Variants in EEF2K observed in about 807,000 individuals in gnomAD.
EEF2K encodes the protein eukaryotic elongation factor 2 kinase.
Under a neutral mutation model 93.8 loss-of-function variants are expected in EEF2K, and 70 were observed. That is an observed-to-expected ratio of 0.75 (90% CI 0.62 to 0.91). The LOEUF (loss-of-function observed/expected upper bound fraction) is 0.91. Ranked by LOEUF, EEF2K falls within the 40% of genes least tolerant of loss-of-function variation. The pLI is 0.00. For synonymous variants in EEF2K, 376 were observed against 380.8 expected, an observed-to-expected ratio of 0.99 and a Z score of 0.15; for missense variants, 935 against 972.9, an observed-to-expected ratio of 0.96 and a Z score of 0.52.
intron 16 of EEF2K, among the ~76,000 whole-genome samples, chr16:22,274,686 C>G (rs777100901): frequency 3.3e-5 from 5 of 152,106 alleles, no homozygotes; most frequent in Non-Finnish European, 2.9e-5. Context: ...TAGCTCACTG[C>G]AGCCTCTACC....
In EEF2K at chr16:22,264,680, T is replaced by C. The variant is rs1261810797; in HGVS notation, c.1378-138T>C. The C allele has an allele frequency of 6.6e-5, 52 of 793,250 alleles. No homozygotes were observed. In the East Asian group the frequency reaches 1.4e-3, roughly 22 times the overall value. 49.1% of individuals were successfully genotyped at this position (793,250 alleles called of 1,614,324 possible). ...AGGGTTCCAGTGTCACCTGGGAACA[T>C]AGGGCCAATTTTCTGAGATAAGGGT... is the stretch of plus-strand genomic sequence containing the variant. On this transcript the variant is annotated intron_variant, in intron 12 of 17. Coordinates refer to ENST00000263026, the MANE Select transcript of EEF2K (RefSeq NM_013302.5).
rs553013823 is a variant in EEF2K, at chr16:22,226,517, C to CTTTTTTTTTTTTTTTTTTTTTTTTTTTT, written c.246+557_246+558insTTTTTTTTTTTTTTTTTTTTTTTTTTTT. On this transcript the variant is annotated intron_variant, in intron 2 of 17. Transcript: ENST00000263026. ...CTTTTTCTTTCTTTTCCTTCTTCTTCTTTTTTTTTTTTTTTATAAACGTGG... is the reference window on the plus strand; with the variant it reads ...CTTTTTCTTTCTTTTCCTTCTTCTTCTTTTTTTTTTTTTTTTTTTTTTTTTTTTTTTTTTTTTTTTTTTATAAACGTGG... Among the ~76,000 whole-genome samples, 23 of 106,866 alleles carry CTTTTTTTTTTTTTTTTTTTTTTTTTTTT rather than the reference C, an allele frequency of 2.2e-4. 1 individual carries two copies. Among genetic ancestry groups the CTTTTTTTTTTTTTTTTTTTTTTTTTTTT allele is most frequent in the African/African-American group, 9.7e-4 (23 of 23,640 alleles). 70.1% of individuals were successfully genotyped at this position (106,866 alleles called of 152,430 possible). A position where few individuals can be genotyped will look rare whatever the true frequency, so the allele number is the denominator to read the frequency against.
At chr16:22,250,723 GC>G in intron 5 of EEF2K, 32 bp downstream of exon 5, 1 of 1,613,952 alleles carries the variant, frequency 6.2e-7, no homozygotes, top group East Asian at 2.2e-5. Context: ...TTGGGGCCCT[GC>G]CCAGAGTCCC....
chr16:22,251,882 C>T lies in EEF2K; in HGVS notation c.618+560C>T, dbSNP rs569059927. Among the ~76,000 whole-genome samples the T allele has an allele frequency of 1.6e-4, 24 of 152,296 alleles. No homozygotes were observed. In the East Asian group the frequency reaches 4.6e-3, roughly 29 times the overall value. On this transcript the variant is annotated intron_variant, in intron 6 of 17. Transcript: ENST00000263026. ...AATTACAGCTCACTGCAGCCTCAAC[C>T]TCCTGGGCTTGAACAATCCTCCCAG...
chr16:22,218,614 T>C (rs1372952638), intron 1 of EEF2K, among the ~76,000 whole-genome samples: 1 of 152,190 alleles, frequency 6.6e-6, no homozygotes, highest in African/African-American at 2.4e-5. Flanking sequence ...TGAGGACCCC[T>C]GAAGAAGCTT....
rs533762652 is a variant in EEF2K, at chr16:22,224,324, G to A, written c.-76-1330G>A. Among the ~76,000 whole-genome samples, 14 of 152,126 alleles carry A rather than the reference G, an allele frequency of 9.2e-5. 1 individual carries two copies. The South Asian group carries it at 1.2e-3, about 14-fold the overall frequency. ...GCATACAGACAATAACAAAGTAAAC[G>A]GGGTGATTTCAGTTTGAGAAAAGCA... On this transcript the variant is annotated intron_variant, in intron 1 of 17. Coordinates refer to ENST00000263026, the MANE Select transcript of EEF2K (RefSeq NM_013302.5).
At position 22,225,903 on chromosome 16, in the gene EEF2K, G is replaced by T. The variant is rs2047058863; in HGVS notation, c.174G>T (p.Lys58Asn). The T allele has an allele frequency of 3.1e-6, 5 of 1,614,180 alleles. No individual in the cohort carries two copies. Among genetic ancestry groups the T allele is most frequent in the East Asian group, 2.2e-5 (1 of 44,886 alleles). ...SNQNVNSKVN[K>N]YYSNLTKSER... ...AGAATGTCAATTCCAAGGTTAATAA[G>T]TACTACAGCAACCTAACAAAAAGTG... The change falls in exon 2 of 18, where the codon AAG becomes AAT. Residue 58 changes from lysine to asparagine, a missense_variant. Coordinates refer to ENST00000263026, the MANE Select transcript of EEF2K (RefSeq NM_013302.5).
chr16:22,258,656 T>C lies in EEF2K; in HGVS notation c.1192T>C (p.Ser398Pro). ...CTTCGACTCTCTCCCTTCTTCCCCA[T>C]CTTCGGCCACACCACACAGCCAGAA... ...VTFDSLPSSP[S>P]SATPHSQKLD... Residue 398 changes from serine (S) to proline (P), a missense_variant, in exon 10 of 18, where the codon TCT becomes CCT. Transcript: ENST00000263026. 6.2e-7 allele frequency: 1 copy of C among 1,614,162 alleles called. No homozygotes were observed. Among genetic ancestry groups the C allele is most frequent in the South Asian group, 1.1e-5 (1 of 91,086 alleles).
Position 22,260,450 on chromosome 16 carries a change from C to A in EEF2K, c.1232-12C>A. ...TGGAACCAGGACATGATGTCTGTTT[C>A]TCCCTGCCCAGATTGGCCAGTGTTC... On this transcript the variant is annotated splice_polypyrimidine_tract_variant and intron_variant, in intron 10 of 17. Transcript: ENST00000263026. The A allele has an allele frequency of 6.2e-7, 1 of 1,614,012 alleles. No individual in the cohort carries two copies. Among genetic ancestry groups the A allele is most frequent in the Middle Eastern group, 1.7e-4 (1 of 6,060 alleles).
rs553013823 is a variant in EEF2K at position 22,226,517 on chromosome 16, C to CTTTTTTTTTTTTTTTTTTTTT, written c.246+557_246+558insTTTTTTTTTTTTTTTTTTTTT. On this transcript the variant is annotated intron_variant, in intron 2 of 17. Transcript: ENST00000263026. ...CTTTTTCTTTCTTTTCCTTCTTCTT[C>CTTTTTTTTTTTTTTTTTTTTT]TTTTTTTTTTTTTTTATAAACGTGG... 1.6e-3 allele frequency among the ~76,000 whole-genome samples: 172 copies of CTTTTTTTTTTTTTTTTTTTTT among 106,824 alleles called. 3 individuals are homozygous for CTTTTTTTTTTTTTTTTTTTTT. The highest frequency in any genetic ancestry group is 2.2e-3 in the Non-Finnish European group (124 of 56,692). The allele number at this position is 106,824 out of a possible 152,430, so 70.1% of individuals were successfully genotyped here.
At chr16:22,258,796 C>T (rs971409660) in intron 10 of EEF2K, 101 bp downstream of exon 10, 13 of 1,494,428 alleles carry the variant, frequency 8.7e-6, no homozygotes, top group African/African-American at 2.8e-5. Context: ...ACATGCTAAT[C>T]GAAAAGGTTC....
chr16:22,229,975 A>G (rs2047099481), intron 2 of EEF2K, among the ~76,000 whole-genome samples: 1 of 152,164 alleles, frequency 6.6e-6, no homozygotes, highest in African/African-American at 2.4e-5. Flanking sequence ...CTAGAGTTCT[A>G]GCTGGAGTTA....
At chr16:22,236,934 C>CTTTTTTTTTT (rs71151665) in intron 2 of EEF2K, among the ~76,000 whole-genome samples, 3 of 56,174 alleles carry the variant, frequency 5.3e-5, no homozygotes, top group African/African-American at 1.9e-4. Flanking sequence ...CCACAGACCT[C>CTTTTTTTTTT]TTTTTTTTTT....
At chr16:22,222,702 T>TAAAA (rs1161314400) in intron 1 of EEF2K, among the ~76,000 whole-genome samples, 1 of 96,550 alleles carries the variant, frequency 1.0e-5, no homozygotes, top group East Asian at 2.7e-4. Context: ...ACCCCGTCCC[T>TAAAA]AAAAAAAAAA....
At position 22,283,494 on chromosome 16, in the gene EEF2K, A is replaced by G. The variant is rs192911707; in HGVS notation, c.2069-393A>G. Among the ~76,000 whole-genome samples, 5 of 152,224 alleles carry G rather than the reference A, an allele frequency of 3.3e-5. No individual in the cohort carries two copies. In the East Asian group the frequency reaches 7.7e-4, roughly 23 times the overall value. ...AAGTCGTTATTTCTTCCACTTTTGCACATCCCCACTTAGTTCTGCAAAAGT... is the reference window on the plus strand; with the variant it reads ...AAGTCGTTATTTCTTCCACTTTTGCGCATCCCCACTTAGTTCTGCAAAAGT... On this transcript the variant is annotated intron_variant, in intron 17 of 17. Transcript: ENST00000263026.
chr16:22,254,306 C>G (rs1476141116), intron 6 of EEF2K, among the ~76,000 whole-genome samples: 1 of 152,132 alleles, frequency 6.6e-6, no homozygotes, highest in Non-Finnish European at 1.5e-5. Context: ...AGCCTTTGGG[C>G]AGAACCCTCT....
At position 22,284,274 on chromosome 16, in the gene EEF2K, TTTTG is replaced by T. The variant is rs796611452; in HGVS notation, c.*298_*301del. On this transcript the variant is annotated 3_prime_UTR_variant, in exon 18 of 18. Coordinates refer to ENST00000263026, the MANE Select transcript of EEF2K (RefSeq NM_013302.5). ...AACATACCGTTTTGTGTGTGGTTTT[TTTTG>T]TTTGTTTGTTTGTTTGTTTTGAGAC... The T allele has an allele frequency of 1.2e-3, 443 of 371,622 alleles. No homozygotes were observed. Among genetic ancestry groups the T allele is most frequent in the African/African-American group, 3.4e-3 (166 of 48,754 alleles). The allele number at this position is 371,622 out of a possible 1,614,324, so 23.0% of individuals were successfully genotyped here.
chr16:22,248,631 C>A, intron 3 of EEF2K, 124 bp from the exon 4 acceptor site: 1 of 1,179,042 alleles, frequency 8.5e-7, no homozygotes. Flanking sequence ...GGGCTATGGG[C>A]CAAGGTGGAG....
chr16:22,217,208 G>GATAT (rs1459658959), intron 1 of EEF2K, among the ~76,000 whole-genome samples: 52 of 132,190 alleles, frequency 3.9e-4, no homozygotes, highest in East Asian at 1.2e-3. Context: ...ATTATTTAGT[G>GATAT]ATATATATAG....
Sources: allele counts gnomAD v4.1 joint callset (sites outside exome capture counted in the v4.1 genomes callset), GRCh38; gene constraint gnomAD v4.1.1; transcripts MANE v1.5; gene names NCBI Gene and HGNC (gene_info 2026-07-23, HGNC 2026-07-21).